The following IL36G variants were observed in gnomAD, a reference collection of about 807,000 sequenced individuals.
IL36G encodes interleukin 36 gamma, also known as interleukin-36 gamma.
IL36G carries 10 observed loss-of-function variants against 13.5 expected under a neutral mutation model. The observed-to-expected ratio is 0.74, with a 90% CI of 0.46 to 1.26. The LOEUF (loss-of-function observed/expected upper bound fraction) is 1.26. IL36G is among the 50% of genes most tolerant of loss of function. The pLI, the probability that IL36G is intolerant of heterozygous loss-of-function variation, is 0.00. For missense variants in IL36G, 199 were observed against 203.0 expected (o/e 0.98, Z 0.12); for synonymous variants, 84 against 74.0 (o/e 1.13, Z -0.69).
Position 112,985,295 on chromosome 2 carries a change from C to T in IL36G, c.*246C>T. On this transcript the variant is annotated 3_prime_UTR_variant, in exon 5 of 5. Coordinates refer to ENST00000259205, the MANE Select transcript of IL36G (RefSeq NM_019618.4). ...TCCTCTCAAGCTGGTGCTGTGTAGG[C>T]CACAAGGCATCTGCATGAGTGACTT... is the stretch of plus-strand genomic sequence containing the variant. The T allele has an allele frequency of 2.1e-6, 1 of 476,598 alleles. No homozygotes were observed. The highest frequency in any genetic ancestry group is 3.8e-6 in the Non-Finnish European group (1 of 263,382). The allele number at this position is 476,598 out of a possible 1,614,324, so 29.5% of individuals were successfully genotyped here.
chr2:112,979,382 G>A, intron 3 of IL36G, 57 bp downstream of exon 3: 1 of 1,021,204 alleles, frequency 9.8e-7, no homozygotes, highest in Admixed American at 1.8e-5. Flanking sequence ...TGGGAAGCTG[G>A]CATCAGCCTT....
chr2:112,980,237 CT>C, intron 4 of IL36G, 89 bp downstream of exon 4: 2 of 1,080,742 alleles, frequency 1.9e-6, no homozygotes, highest in East Asian at 5.1e-5. Flanking sequence ...AAGAAATAGT[CT>C]CATCTTCCTA....
intron 2 of IL36G, 75 bp from the exon 3 acceptor site, chr2:112,979,146 A>G (rs1684216001): frequency 4.2e-6 from 4 of 948,738 alleles, no homozygotes; most frequent in Admixed American, 3.7e-5. Flanking sequence ...CCTGGGTTAG[A>G]TACTTTTCTC....
chr2:112,979,737 A>G (rs1684230704), intron 3 of IL36G, among the ~76,000 whole-genome samples: 1 of 152,150 alleles, frequency 6.6e-6, no homozygotes, highest in Non-Finnish European at 1.5e-5. Context: ...CCCCATCTCC[A>G]TGTGCTCAAG....
Sources: gnomAD v4.1 joint callset for allele counts (sites outside exome capture counted in the v4.1 genomes callset) on GRCh38, gnomAD v4.1.1 for gene constraint, MANE v1.5 for transcripts, NCBI Gene and HGNC (gene_info 2026-07-23, HGNC 2026-07-21) for gene names.